Variants in MAGI2 observed in about 807,000 individuals in gnomAD.
The protein encoded by MAGI2 is membrane associated guanylate kinase, WW and PDZ domain containing 2, also known as membrane-associated guanylate kinase, WW and PDZ domain-containing protein 2.
Under a neutral mutation model 133.3 loss-of-function variants are expected in MAGI2, and 35 were observed. The observed-to-expected ratio is 0.26, with a 90% CI of 0.20 to 0.35. The LOEUF (loss-of-function observed/expected upper bound fraction) is 0.35, where lower values mean the gene tolerates loss of function less well. MAGI2 is among the 10% of genes least tolerant of loss of function. MAGI2 has a pLI of 1.00. For missense variants in MAGI2, 1,636 were observed against 1,863.4 expected (o/e 0.88, Z 2.25); for synonymous variants, 729 against 710.6 (o/e 1.03, Z -0.41).
In MAGI2 at chr7:79,075,951, T is replaced by TA. The variant is rs978011193; in HGVS notation, c.302-68746dup. On this transcript the variant is annotated intron_variant, in intron 1 of 21. Coordinates refer to ENST00000354212, the MANE Select transcript of MAGI2 (RefSeq NM_012301.4). Reference sequence around the variant, plus strand: ...TAGAGACTCAAATAATATGATACTTTAAAAAAAATCTGTATCCAGAGCCAC... The same window carrying TA: ...TAGAGACTCAAATAATATGATACTTTAAAAAAAAATCTGTATCCAGAGCCAC... Among the ~76,000 whole-genome samples the TA allele has an allele frequency of 9.9e-5, 15 of 152,150 alleles. No individual in the cohort carries two copies. In the South Asian group the frequency reaches 1.2e-3, roughly 13 times the overall value.
chr7:78,788,944 G>T, intron 2 of MAGI2, among the ~76,000 whole-genome samples: 1 of 152,162 alleles, frequency 6.6e-6, no homozygotes, highest in Middle Eastern at 3.4e-3. Context: ...CGAGAGGCCC[G>T]CTCCTTCTCC....
intron 9 of MAGI2, among the ~76,000 whole-genome samples, chr7:78,323,176 T>G (rs573174828): frequency 6.6e-6 from 1 of 152,288 alleles, no homozygotes; most frequent in East Asian, 1.9e-4. Context: ...CCAGAGGTTT[T>G]CTAGGCAAGA....
intron 1 of MAGI2, among the ~76,000 whole-genome samples, chr7:79,273,612 T>A (rs891838532): frequency 6.6e-6 from 1 of 152,082 alleles, no homozygotes. Context: ...TTGTTTCTTT[T>A]TTTTTTCTTC....
intron 1 of MAGI2, among the ~76,000 whole-genome samples, chr7:79,110,181 A>G (rs1818810046): frequency 6.6e-6 from 1 of 152,060 alleles, no homozygotes; most frequent in South Asian, 2.1e-4. Context: ...CCCAGGCAGA[A>G]GCTTGCTACA....
intron 10 of MAGI2, among the ~76,000 whole-genome samples, chr7:78,246,822 C>G (rs111856407): frequency 6.6e-6 from 1 of 152,084 alleles, no homozygotes; most frequent in Non-Finnish European, 1.5e-5. Context: ...CTCCATAGCA[C>G]CCCTTCTTTT....
chr7:78,542,552 C>T (rs577129716), intron 3 of MAGI2, among the ~76,000 whole-genome samples: 12 of 152,114 alleles, frequency 7.9e-5, no homozygotes, highest in Middle Eastern at 3.2e-3. Flanking sequence ...CCATCTGAAG[C>T]GATGCTATTT....
chr7:79,316,154 G>A (rs531189551), intron 1 of MAGI2, among the ~76,000 whole-genome samples: 2 of 152,248 alleles, frequency 1.3e-5, no homozygotes, highest in African/African-American at 4.8e-5. Context: ...TGAGGGCAAT[G>A]TATGGTAGTT....
At chr7:78,597,921 TAAAAGA>T (rs1464331873) in intron 3 of MAGI2, among the ~76,000 whole-genome samples, 5 of 151,918 alleles carry the variant, frequency 3.3e-5, no homozygotes, top group Admixed American at 6.6e-5. Context: ...TATTTAATAA[TAAAAGA>T]AAAATAGGCA....
intron 2 of MAGI2, among the ~76,000 whole-genome samples, chr7:78,903,255 GC>G (rs1294379201): frequency 1.3e-4 from 16 of 126,438 alleles, no homozygotes; most frequent in East Asian, 7.1e-4. Context: ...CTGCAGTGGC[GC>G]TGTCTTGGCT....
chr7:78,996,723 C>T (rs1030922084), intron 2 of MAGI2, among the ~76,000 whole-genome samples: 3 of 152,174 alleles, frequency 2.0e-5, no homozygotes, highest in Non-Finnish European at 2.9e-5. Flanking sequence ...CTTCTAGGAT[C>T]GACTTTAAAA....
At chr7:78,676,003 A>G (rs975723877) in intron 2 of MAGI2, among the ~76,000 whole-genome samples, 3 of 152,148 alleles carry the variant, frequency 2.0e-5, no homozygotes, top group Admixed American at 2.0e-4. Context: ...TAAAAGTTAA[A>G]AGGATATTGT....
intron 2 of MAGI2, among the ~76,000 whole-genome samples, chr7:78,666,042 A>T (rs1474315857): frequency 1.3e-5 from 2 of 152,150 alleles, no homozygotes; most frequent in Admixed American, 6.6e-5. Flanking sequence ...CCAACTGAAA[A>T]CTGAAAGGTA....
At chr7:79,198,180 A>G (rs1044012053) in intron 1 of MAGI2, among the ~76,000 whole-genome samples, 3 of 151,866 alleles carry the variant, frequency 2.0e-5, no homozygotes, top group Admixed American at 2.0e-4. Context: ...TTTAGCTCAG[A>G]AAGTTGAGGG....
At chr7:78,037,340 C>G (rs1032412018) in intron 21 of MAGI2, among the ~76,000 whole-genome samples, 5 of 152,210 alleles carry the variant, frequency 3.3e-5, no homozygotes, top group Non-Finnish European at 7.3e-5. Flanking sequence ...CCTTTCCTTT[C>G]TACTCCTGTG....
intron 1 of MAGI2, among the ~76,000 whole-genome samples, chr7:79,395,530 C>G (rs978547825): frequency 2.0e-5 from 3 of 152,044 alleles, no homozygotes; most frequent in Admixed American, 2.0e-4. Context: ...CCAGAGAGCC[C>G]CAGAGAGGTC....
At chr7:78,453,003 T>A (rs1788891544) in intron 6 of MAGI2, among the ~76,000 whole-genome samples, 1 of 152,162 alleles carries the variant, frequency 6.6e-6, no homozygotes, top group African/African-American at 2.4e-5. Flanking sequence ...AAATTTTTTT[T>A]ACTTGTAATG....
intron 2 of MAGI2, among the ~76,000 whole-genome samples, chr7:78,660,617 T>C (rs527651293): frequency 6.6e-6 from 1 of 152,270 alleles, no homozygotes; most frequent in Admixed American, 6.5e-5. Context: ...ATGCTATAAA[T>C]GATATGACAT....
In MAGI2 at chr7:79,084,994, T is replaced by A. The variant is rs117917371; in HGVS notation, c.302-77788A>T. ...TGATGAGTTTCTTCACTCTTGCTGC[T>A]TTCAAATTATTTATATTTGGCTTTA... is the stretch of plus-strand genomic sequence containing the variant. On this transcript the variant is annotated intron_variant, in intron 1 of 21. Transcript: ENST00000354212. Among the ~76,000 whole-genome samples the A allele has an allele frequency of 2.9e-3, 438 of 152,006 alleles. 1 individual carries two copies. Among genetic ancestry groups the A allele is most frequent in the Non-Finnish European group, 4.7e-3 (321 of 67,844 alleles).
At chr7:78,977,492 A>AGC (rs1804382995) in intron 2 of MAGI2, among the ~76,000 whole-genome samples, 1 of 28,090 alleles carries the variant, frequency 3.6e-5, no homozygotes, top group South Asian at 1.2e-3. Flanking sequence ...AGAAAGAAAG[A>AGC]AAGAAAGAAA....
Sources: gnomAD v4.1 joint callset for allele counts (sites outside exome capture counted in the v4.1 genomes callset) on GRCh38, gnomAD v4.1.1 for gene constraint, MANE v1.5 for transcripts, NCBI Gene and HGNC (gene_info 2026-07-23, HGNC 2026-07-21) for gene names.